The following CCNY variants were observed in gnomAD, a reference collection of about 807,000 sequenced individuals.
CCNY encodes cyclin Y.
CCNY carries 19 observed loss-of-function variants against 42.8 expected under a neutral mutation model. The ratio of observed to expected loss-of-function variants is 0.44; its 90% CI spans 0.31 to 0.65. The LOEUF (loss-of-function observed/expected upper bound fraction) is 0.65, where lower values mean the gene tolerates loss of function less well. Among genes scored for constraint, CCNY ranks in the 30% least tolerant of loss-of-function variants. The probability of loss-of-function intolerance (pLI) is 0.07; values close to 1 mark genes in which losing one functional copy is unlikely to be tolerated. For missense variants in CCNY, 370 were observed against 437.3 expected (o/e 0.85, Z 1.37); for synonymous variants, 165 against 162.7 (o/e 1.01, Z -0.11).
chr10:35,482,190 A>G (rs1839684513), intron 1 of CCNY, among the ~76,000 whole-genome samples: 2 of 152,180 alleles, frequency 1.3e-5, no homozygotes, highest in Non-Finnish European at 2.9e-5. Context: ...CCTCCAGTGT[A>G]TATTTATTTT....
chr10:35,566,074 TC>T lies in CCNY; in HGVS notation c.800del (p.Pro267LeufsTer21). ...AATTGCTGCAGTTCAACATCAATGT[TC>T]CTTCCAGTGTCTATGCCAAGTATTA... is the stretch of plus-strand genomic sequence containing the variant. ...LELLQFNINVPSSVYAKYYFD... is the reference protein window; with the variant it reads ...LELLQFNINVXSSVYAKYYFD... On this transcript the variant is annotated frameshift_variant, in exon 9 of 10. Coordinates refer to ENST00000374704, the MANE Select transcript of CCNY (RefSeq NM_145012.6). LOFTEE classifies it high-confidence loss of function. 6.2e-7 allele frequency: 1 copy of T among 1,614,228 alleles called. No homozygotes were observed. The highest frequency in any genetic ancestry group is 8.5e-7 in the Non-Finnish European group (1 of 1,180,028).
At chr10:35,295,324 C>A (rs879897533) in intron 3 of CCNY, among the ~76,000 whole-genome samples, 2 of 151,734 alleles carry the variant, frequency 1.3e-5, no homozygotes, top group African/African-American at 4.8e-5. Context: ...CTCTGCCTCC[C>A]GGGTTCAAGC....
chr10:35,262,503 T>C (rs930905494), intron 3 of CCNY, among the ~76,000 whole-genome samples: 9 of 151,540 alleles, frequency 5.9e-5, no homozygotes, highest in African/African-American at 2.2e-4. Context: ...GGACTACAGG[T>C]GCACGCCACC....
At chr10:35,386,119 C>T (rs111681158) in intron 1 of CCNY, among the ~76,000 whole-genome samples, 2 of 152,300 alleles carry the variant, frequency 1.3e-5, no homozygotes, top group African/African-American at 2.4e-5. Flanking sequence ...ATTTGTGTCA[C>T]GTTCCTATAG....
intron 3 of CCNY, among the ~76,000 whole-genome samples, chr10:35,292,781 GTTTTTTTTTTT>G (rs71033391): frequency 2.8e-5 from 3 of 108,760 alleles, no homozygotes; most frequent in Admixed American, 2.0e-4. Flanking sequence ...CTTTGTTTTT[GTTTTTTTTTTT>G]TTTTTTTTTG....
chr10:35,457,244 C>G (rs1216681647), intron 1 of CCNY, among the ~76,000 whole-genome samples: 1 of 152,154 alleles, frequency 6.6e-6, no homozygotes, highest in Non-Finnish European at 1.5e-5. Flanking sequence ...AGTGTTGATT[C>G]TTTTCAATCT....
chr10:35,504,287 C>T (rs1489481756), intron 3 of CCNY, among the ~76,000 whole-genome samples: 1 of 152,170 alleles, frequency 6.6e-6, no homozygotes, highest in African/African-American at 2.4e-5. Context: ...GTAAGGCTTT[C>T]CTGGTTTCCA....
chr10:35,539,927 G>C (rs1589192407), intron 7 of CCNY, among the ~76,000 whole-genome samples: 1 of 152,196 alleles, frequency 6.6e-6, no homozygotes, highest in East Asian at 1.9e-4. Context: ...GATTGATCTT[G>C]TACCCTGCCA....
At position 35,409,225 on chromosome 10, in the gene CCNY, T is replaced by C. The variant is rs1248690213; in HGVS notation, c.154+72018T>C. On this transcript the variant is annotated intron_variant, in intron 1 of 9. Coordinates refer to ENST00000374704, the MANE Select transcript of CCNY (RefSeq NM_145012.6). The stretch of plus-strand genomic sequence containing the variant: ...TGCCAGCTGCCTTACCAGGCAGGTC[T>C]CGCATCTGCCATTGTCATCCCATTG... 3.3e-5 allele frequency among the ~76,000 whole-genome samples: 5 copies of C among 152,364 alleles called. No homozygotes were observed. In the East Asian group the frequency reaches 9.6e-4, roughly 29 times the overall value.
intron 1 of CCNY, among the ~76,000 whole-genome samples, chr10:35,478,345 A>C (rs1839570095): frequency 6.6e-6 from 1 of 151,994 alleles, no homozygotes; most frequent in African/African-American, 2.4e-5. Flanking sequence ...ATCCTAAGCC[A>C]AAAGAACAAA....
At chr10:35,533,802 G>C (rs770248724) in intron 7 of CCNY, among the ~76,000 whole-genome samples, 10 of 152,166 alleles carry the variant, frequency 6.6e-5, no homozygotes, top group Non-Finnish European at 1.5e-4. Context: ...TTTTGTCCAT[G>C]TGGTTTACTA....
At chr10:35,265,407 G>C (rs2095724171) in intron 3 of CCNY, among the ~76,000 whole-genome samples, 1 of 152,216 alleles carries the variant, frequency 6.6e-6, no homozygotes, top group African/African-American at 2.4e-5. Context: ...GTATGTTTAT[G>C]GGTGGAGATT....
chr10:35,397,165 A>T (rs1388052147), intron 1 of CCNY, among the ~76,000 whole-genome samples: 1 of 152,242 alleles, frequency 6.6e-6, no homozygotes, highest in African/African-American at 2.4e-5. Flanking sequence ...ACTTGGAGCT[A>T]GTAGGAAACC....
At chr10:35,487,310 A>G (rs1382912654) in intron 2 of CCNY, among the ~76,000 whole-genome samples, 2 of 152,046 alleles carry the variant, frequency 1.3e-5, no homozygotes, top group Admixed American at 1.3e-4. Flanking sequence ...AGGTTAATAT[A>G]CTTTGACAGT....
intron 1 of CCNY, among the ~76,000 whole-genome samples, chr10:35,247,931 G>GAA (rs142936994): frequency 3.6e-5 from 5 of 140,480 alleles, no homozygotes; most frequent in East Asian, 2.1e-4. Context: ...ATAAATAAAT[G>GAA]AAAAAAAAAA....
intron 1 of CCNY, among the ~76,000 whole-genome samples, chr10:35,466,503 A>T (rs1364129609): frequency 6.6e-6 from 1 of 152,138 alleles, no homozygotes; most frequent in Non-Finnish European, 1.5e-5. Context: ...TGCCAGTCCC[A>T]GTGTTGTGAA....
chr10:35,498,393 A>C (rs540302771), intron 2 of CCNY, among the ~76,000 whole-genome samples: 2 of 152,220 alleles, frequency 1.3e-5, no homozygotes, highest in African/African-American at 2.4e-5. Context: ...AAGTTCCCAG[A>C]TACCAGCCAA....
At chr10:35,471,491 G>T (rs1331681138) in intron 1 of CCNY, among the ~76,000 whole-genome samples, 6 of 152,178 alleles carry the variant, frequency 3.9e-5, no homozygotes, top group African/African-American at 1.2e-4. Flanking sequence ...ATGAGCAATT[G>T]TGGATCACTG....
intron 3 of CCNY, among the ~76,000 whole-genome samples, chr10:35,512,243 G>A (rs1464008242): frequency 6.6e-6 from 1 of 152,164 alleles, no homozygotes. Flanking sequence ...TACCCATGAG[G>A]AACATTGAGA....
Sources: allele counts gnomAD v4.1 joint callset (sites outside exome capture counted in the v4.1 genomes callset), GRCh38; gene constraint gnomAD v4.1.1; transcripts MANE v1.5; gene names NCBI Gene and HGNC (gene_info 2026-07-23, HGNC 2026-07-21).